The following DAPK1 variants were observed in gnomAD, a reference collection of about 807,000 sequenced individuals.
The protein encoded by DAPK1 is death associated protein kinase 1.
A neutral mutation model predicts 144.9 loss-of-function variants in DAPK1; 56 were observed. The ratio of observed to expected loss-of-function variants is 0.39; its 90% CI spans 0.31 to 0.48. The LOEUF is 0.48. DAPK1 is among the 20% of genes least tolerant of loss of function. The pLI is 0.95. For synonymous variants in DAPK1, 690 were observed against 749.0 expected (o/e 0.92, Z 1.29); for missense variants, 1,454 against 1,875.4 (o/e 0.78, Z 4.15).
rs186240586 is a variant in DAPK1, at chr9:87,593,834, A to G, written c.63-11120A>G. 2.1e-3 allele frequency among the ~76,000 whole-genome samples: 317 copies of G among 152,262 alleles called. 3 individuals are homozygous for G. Among genetic ancestry groups the G allele is most frequent in the African/African-American group, 6.4e-3 (268 of 41,568 alleles). ...CAGTTAACTTTGACCCACTGGCTGA[A>G]AGGGGATTACATGACAAAGTCAGGA... On this transcript the variant is annotated intron_variant, in intron 2 of 25. Transcript: ENST00000408954.
At chr9:87,578,925 C>T (rs144535480) in intron 2 of DAPK1, among the ~76,000 whole-genome samples, 27 of 152,338 alleles carry the variant, frequency 1.8e-4, no homozygotes, top group African/African-American at 5.1e-4. Flanking sequence ...TTTATTGTAT[C>T]TGGGCTTCAT....
intron 2 of DAPK1, among the ~76,000 whole-genome samples, chr9:87,513,268 C>A (rs1824919740): frequency 6.6e-6 from 1 of 152,252 alleles, no homozygotes; most frequent in African/African-American, 2.4e-5. Flanking sequence ...CCCTCTATCT[C>A]AGCAAGCTTC....
intron 8 of DAPK1, 123 bp from the exon 9 acceptor site, chr9:87,640,679 G>C: frequency 8.7e-7 from 1 of 1,147,340 alleles, no homozygotes; most frequent in Non-Finnish European, 1.3e-6. Context: ...TGTTGTTTTT[G>C]GCTTTCTTCC....
At chr9:87,688,628 G>C (rs962136366) in intron 21 of DAPK1, among the ~76,000 whole-genome samples, 1 of 152,166 alleles carries the variant, frequency 6.6e-6, no homozygotes, top group East Asian at 1.9e-4. Flanking sequence ...TAGCCATTCT[G>C]ATTGGTGTGA....
intron 25 of DAPK1, among the ~76,000 whole-genome samples, chr9:87,704,572 C>G (rs573293678): frequency 6.6e-6 from 1 of 152,326 alleles, no homozygotes; most frequent in South Asian, 2.1e-4. Flanking sequence ...GGGTCCCACA[C>G]TACGTTTAGC....
chr9:87,526,665 G>T (rs1825521636), intron 2 of DAPK1, among the ~76,000 whole-genome samples: 2 of 151,910 alleles, frequency 1.3e-5, no homozygotes, highest in African/African-American at 4.8e-5. Context: ...TATTTTTTTT[G>T]AGGGCAAAGG....
At chr9:87,502,934 T>C (rs1211886550) in intron 2 of DAPK1, among the ~76,000 whole-genome samples, 2 of 152,216 alleles carry the variant, frequency 1.3e-5, no homozygotes, top group African/African-American at 4.8e-5. Flanking sequence ...TTGGGATTAA[T>C]GCATGCCTCA....
Position 87,697,156 on chromosome 9 carries a change from T to C in DAPK1, c.2563T>C (p.Phe855Leu), listed in dbSNP as rs781013241. ...TGAGATCCAGCTGAACCAAGTGATT[T>C]TCTGGCTCAGTTTCCTGAAGTCCCT... ...PYEIQLNQVI[F>L]WLSFLKSLVP... The change falls in exon 22 of 26, where the codon TTC (phenylalanine) becomes CTC (leucine). Residue 855 changes from phenylalanine to leucine, a missense_variant. Physicochemically the swap from Phe to Leu is conservative, Grantham distance 22. This residue lies in a region of DAPK1 where 1,025 missense variants were observed against 1,237.9 expected (regional missense o/e 0.83). Transcript: ENST00000408954. 1 of 1,590,288 alleles carries C rather than the reference T, an allele frequency of 6.3e-7. No individual in the cohort carries two copies.
At chr9:87,557,808 G>T (rs1826772515) in intron 2 of DAPK1, among the ~76,000 whole-genome samples, 1 of 152,132 alleles carries the variant, frequency 6.6e-6, no homozygotes, top group South Asian at 2.1e-4. Flanking sequence ...CGGTGTGGTG[G>T]CATGCACCTG....
intron 2 of DAPK1, among the ~76,000 whole-genome samples, chr9:87,542,714 G>C (rs1014388586): frequency 1.3e-5 from 2 of 152,136 alleles, no homozygotes; most frequent in African/African-American, 2.4e-5. Context: ...GTTACCTAAA[G>C]ACAAACGGCC....
At chr9:87,684,142 A>C (rs182959885) in intron 20 of DAPK1, among the ~76,000 whole-genome samples, 56 of 152,368 alleles carry the variant, frequency 3.7e-4, no homozygotes, top group African/African-American at 1.0e-3. Flanking sequence ...GGGCACAAGC[A>C]CAGGGCACCG....
chr9:87,622,110 A>C (rs976634203), intron 3 of DAPK1, among the ~76,000 whole-genome samples: 3 of 151,548 alleles, frequency 2.0e-5, no homozygotes, highest in Non-Finnish European at 4.4e-5. Context: ...CATTTCTAAA[A>C]GGTCTCTGGG....
chr9:87,611,189 T>A (rs774195088), intron 3 of DAPK1, among the ~76,000 whole-genome samples: 7 of 152,248 alleles, frequency 4.6e-5, no homozygotes, highest in Non-Finnish European at 1.0e-4. Context: ...ATATACAGTT[T>A]AAAACAGTGG....
chr9:87,613,146 G>A (rs1052360984), intron 3 of DAPK1, among the ~76,000 whole-genome samples: 4 of 152,168 alleles, frequency 2.6e-5, no homozygotes, highest in African/African-American at 9.7e-5. Context: ...GTAGCCAAGT[G>A]CAGGGCGTGG....
chr9:87,523,885 G>A (rs1007902950), intron 2 of DAPK1, among the ~76,000 whole-genome samples: 2 of 152,170 alleles, frequency 1.3e-5, no homozygotes, highest in African/African-American at 4.8e-5. Flanking sequence ...GGGGAGTGAA[G>A]AGCTTCAGAA....
At chr9:87,663,156 C>T (rs923510382) in intron 18 of DAPK1, among the ~76,000 whole-genome samples, 23 of 152,064 alleles carry the variant, frequency 1.5e-4, no homozygotes, top group African/African-American at 5.3e-4. Flanking sequence ...TTGTCCTTGC[C>T]TCCCCTACTC....
At chr9:87,519,315 G>C (rs946731178) in intron 2 of DAPK1, among the ~76,000 whole-genome samples, 1 of 152,248 alleles carries the variant, frequency 6.6e-6, no homozygotes, top group African/African-American at 2.4e-5. Flanking sequence ...CCCATGCCAA[G>C]TACTCTGGAA....
At chr9:87,571,251 C>T (rs1261832501) in intron 2 of DAPK1, among the ~76,000 whole-genome samples, 1 of 152,002 alleles carries the variant, frequency 6.6e-6, no homozygotes, top group Non-Finnish European at 1.5e-5. Context: ...CTCTGTTTCT[C>T]TCTGCAGAGT....
At chr9:87,525,580 GT>G (rs1825477302) in intron 2 of DAPK1, 1 of 828,512 alleles carries the variant, frequency 1.2e-6, no homozygotes, top group African/African-American at 1.7e-5. Context: ...CAAAAAATGC[GT>G]TGAATAAACG....
Sources: gnomAD v4.1 joint callset for allele counts (sites outside exome capture counted in the v4.1 genomes callset) on GRCh38, gnomAD v4.1.1 for gene constraint, gnomAD v4.1.1 regional missense constraint, MANE v1.5 for transcripts, NCBI Gene and HGNC (gene_info 2026-07-23, HGNC 2026-07-21) for gene names.